HS6ST3: variants seen among roughly 807,000 people sequenced by gnomAD.
HS6ST3 encodes heparan sulfate 6-O-sulfotransferase 3, also known as heparan-sulfate 6-O-sulfotransferase 3.
Under a neutral mutation model 36.7 loss-of-function variants are expected in HS6ST3, and 12 were observed. The observed-to-expected ratio is 0.33, with a 90% CI of 0.21 to 0.53. HS6ST3 has a LOEUF of 0.53. HS6ST3 is among the 20% of genes least tolerant of loss of function. The pLI is 0.95. For synonymous variants in HS6ST3, 240 were observed against 257.5 expected (o/e 0.93, Z 0.65); for missense variants, 584 against 640.9 (o/e 0.91, Z 0.96).
chr13:96,378,195 C>G (rs1351772800), intron 1 of HS6ST3, among the ~76,000 whole-genome samples: 1 of 152,126 alleles, frequency 6.6e-6, no homozygotes, highest in East Asian at 1.9e-4. Context: ...ACCAGGTGCT[C>G]TCCCAGGAAA....
At chr13:96,287,932 C>T (rs376686968) in intron 1 of HS6ST3, among the ~76,000 whole-genome samples, 3 of 152,224 alleles carry the variant, frequency 2.0e-5, no homozygotes, top group East Asian at 3.9e-4. Flanking sequence ...CTCCATTTTG[C>T]AGATGTGGAG....
chr13:96,651,473 T>C (rs1262332909), intron 1 of HS6ST3, among the ~76,000 whole-genome samples: 2 of 151,964 alleles, frequency 1.3e-5, no homozygotes, highest in African/African-American at 2.4e-5. Flanking sequence ...CCAGCTTGGC[T>C]CCCTTATGCA....
intron 1 of HS6ST3, among the ~76,000 whole-genome samples, chr13:96,273,369 A>G (rs891787157): frequency 6.6e-6 from 1 of 151,974 alleles, no homozygotes; most frequent in East Asian, 1.9e-4. Flanking sequence ...AGAGTTTCAG[A>G]TACTGACTGC....
chr13:96,479,658 G>T (rs1369982127), intron 1 of HS6ST3, among the ~76,000 whole-genome samples: 2 of 152,130 alleles, frequency 1.3e-5, no homozygotes, highest in African/African-American at 4.8e-5. Context: ...GAAATTGGTG[G>T]TTAATAATAT....
At chr13:96,097,537 C>T (rs1392724225) in intron 1 of HS6ST3, among the ~76,000 whole-genome samples, 4 of 151,796 alleles carry the variant, frequency 2.6e-5, no homozygotes, top group East Asian at 1.9e-4. Context: ...TTTTTGAGTT[C>T]GTTAGATTGT....
chr13:96,780,186 A>G (rs1877491767), intron 1 of HS6ST3, among the ~76,000 whole-genome samples: 1 of 152,210 alleles, frequency 6.6e-6, no homozygotes, highest in Non-Finnish European at 1.5e-5. Flanking sequence ...CTGTGAGGGA[A>G]GATGGAGAGT....
chr13:96,557,376 G>A (rs1325261346), intron 1 of HS6ST3, among the ~76,000 whole-genome samples: 1 of 152,182 alleles, frequency 6.6e-6, no homozygotes, highest in Non-Finnish European at 1.5e-5. Flanking sequence ...GCCACTGATC[G>A]ATGAGCTGAA....
intron 1 of HS6ST3, among the ~76,000 whole-genome samples, chr13:96,107,857 ATT>A (rs1193271259): frequency 2.0e-5 from 3 of 152,158 alleles, no homozygotes; most frequent in Non-Finnish European, 4.4e-5. Context: ...CCTGTCTTTA[ATT>A]TAATCTCTTA....
chr13:96,138,376 TAA>T (rs1340102763), intron 1 of HS6ST3, among the ~76,000 whole-genome samples: 1 of 149,886 alleles, frequency 6.7e-6, no homozygotes, highest in Non-Finnish European at 1.5e-5. Flanking sequence ...ATAACATATA[TAA>T]ATATATATGT....
At chr13:96,173,947 T>A (rs2054200836) in intron 1 of HS6ST3, among the ~76,000 whole-genome samples, 2 of 151,994 alleles carry the variant, frequency 1.3e-5, no homozygotes, top group African/African-American at 4.8e-5. Context: ...GCATGTGTAA[T>A]CTGTAGGTAA....
chr13:96,189,621 T>C (rs915064548), intron 1 of HS6ST3, among the ~76,000 whole-genome samples: 18 of 152,188 alleles, frequency 1.2e-4, no homozygotes, highest in African/African-American at 4.3e-4. Context: ...CAGTAATAAC[T>C]GTCAAATCCC....
intron 1 of HS6ST3, among the ~76,000 whole-genome samples, chr13:96,686,093 G>A (rs1251242775): frequency 6.6e-6 from 1 of 151,890 alleles, no homozygotes. Flanking sequence ...AAGGAGGAAG[G>A]CGTTTGCCTG....
intron 1 of HS6ST3, among the ~76,000 whole-genome samples, chr13:96,597,324 C>T (rs1393849466): frequency 6.6e-6 from 1 of 151,360 alleles, no homozygotes; most frequent in Non-Finnish European, 1.5e-5. Context: ...TGCACATGTA[C>T]CCCTGAACTT....
intron 1 of HS6ST3, among the ~76,000 whole-genome samples, chr13:96,126,664 G>A (rs2053952712): frequency 1.3e-5 from 2 of 152,106 alleles, no homozygotes; most frequent in South Asian, 4.2e-4. Context: ...AGGATGTTGG[G>A]CCAGCGGGTT....
chr13:96,666,065 C>T (rs1421686078), intron 1 of HS6ST3, among the ~76,000 whole-genome samples: 1 of 152,166 alleles, frequency 6.6e-6, no homozygotes, highest in African/African-American at 2.4e-5. Flanking sequence ...TTAATTGACT[C>T]AGTTCAGCAT....
intron 1 of HS6ST3, among the ~76,000 whole-genome samples, chr13:96,606,745 T>C (rs2056440596): frequency 6.6e-6 from 1 of 151,962 alleles, no homozygotes; most frequent in Admixed American, 6.5e-5. Flanking sequence ...GATCTGCCCA[T>C]GTATCTCCTG....
chr13:96,090,843 G>A lies in HS6ST3; in HGVS notation c.-20G>A, dbSNP rs1382241414. The A allele has an allele frequency of 3.4e-6, 5 of 1,478,180 alleles. No individual in the cohort carries two copies. The highest frequency in any genetic ancestry group is 2.3e-5 in the Admixed American group (1 of 44,008). The allele number at this position is 1,478,180 out of a possible 1,614,324, so 91.6% of individuals were successfully genotyped here. On this transcript the variant is annotated 5_prime_UTR_variant, in exon 1 of 2. Transcript: ENST00000376705. ...CGCCGCCGCCGCCGCCGCTTCGCCTGCCGGCCTGAGAGCGGGACCATGGAT... is the reference window on the plus strand; with the variant it reads ...CGCCGCCGCCGCCGCCGCTTCGCCTACCGGCCTGAGAGCGGGACCATGGAT...
At chr13:96,108,803 A>C (rs1218507516) in intron 1 of HS6ST3, among the ~76,000 whole-genome samples, 2 of 152,214 alleles carry the variant, frequency 1.3e-5, no homozygotes, top group Non-Finnish European at 2.9e-5. Context: ...GAAGTTAAAG[A>C]AAGCATTGGA....
intron 1 of HS6ST3, among the ~76,000 whole-genome samples, chr13:96,752,036 C>G (rs1258206155): frequency 6.6e-6 from 1 of 152,022 alleles, no homozygotes; most frequent in Non-Finnish European, 1.5e-5. Flanking sequence ...TCCTGTATAT[C>G]CTTCCAATGT....
Sources: allele counts gnomAD v4.1 joint callset (sites outside exome capture counted in the v4.1 genomes callset), GRCh38; gene constraint gnomAD v4.1.1; transcripts MANE v1.5; gene names NCBI Gene and HGNC (gene_info 2026-07-23, HGNC 2026-07-21).